The following TCP11L2 variants were observed in gnomAD, a reference collection of about 807,000 sequenced individuals.
The protein encoded by TCP11L2 is t-complex 11 like 2.
Under a neutral mutation model 50.7 loss-of-function variants are expected in TCP11L2, and 39 were observed. The ratio of observed to expected loss-of-function variants is 0.77; its 90% CI spans 0.60 to 1.01. The LOEUF is 1.01. TCP11L2 is among the 50% of genes least tolerant of loss of function. TCP11L2 has a pLI of 0.00. For missense variants in TCP11L2, 612 were observed against 614.7 expected (o/e 1.00, Z 0.05); for synonymous variants, 192 against 219.3 (o/e 0.88, Z 1.10).
At chr12:106,323,745 AATAAAT>A in intron 6 of TCP11L2, 99 bp downstream of exon 6, 1 of 497,200 alleles carries the variant, frequency 2.0e-6, no homozygotes, top group Non-Finnish European at 2.9e-6. Context: ...AAATTAAATT[AATAAAT>A]AAATAAAATT....
At chr12:106,312,491 C>G in intron 2 of TCP11L2, 1 of 998,960 alleles carries the variant, frequency 1.0e-6, no homozygotes, top group Non-Finnish European at 1.2e-6. Flanking sequence ...CATCTGACAC[C>G]AGGGTACCTA....
chr12:106,342,075 C>G (rs1432525424), intron 9 of TCP11L2, among the ~76,000 whole-genome samples: 3 of 152,146 alleles, frequency 2.0e-5, no homozygotes, highest in Non-Finnish European at 4.4e-5. Flanking sequence ...AAGCAGTTGT[C>G]TACTACAGAG....
rs1218253180 is a variant in TCP11L2 at position 106,346,877 on chromosome 12, G to A, written c.*347G>A. ...TATGACATTTAACCCCTAAGGAGTT[G>A]TTTTTCTCACTTGTTATTATCAAAC... is the stretch of plus-strand genomic sequence containing the variant. On this transcript the variant is annotated 3_prime_UTR_variant, in exon 10 of 10. Transcript: ENST00000299045. 5.5e-6 allele frequency: 1 copy of A among 182,966 alleles called. No individual in the cohort carries two copies. Among genetic ancestry groups the A allele is most frequent in the Non-Finnish European group, 1.1e-5 (1 of 88,256 alleles). The allele number at this position is 182,966 out of a possible 1,614,324, so 11.3% of individuals were successfully genotyped here.
At chr12:106,314,718 C>T (rs553238343) in intron 3 of TCP11L2, among the ~76,000 whole-genome samples, 210 of 152,074 alleles carry the variant, frequency 1.4e-3, no homozygotes, top group African/African-American at 4.8e-3. Flanking sequence ...AAAAAATTCT[C>T]GCTGGGTGTG....
At chr12:106,314,268 C>T in intron 2 of TCP11L2, 90 bp from the exon 3 acceptor site, 1 of 1,364,506 alleles carries the variant, frequency 7.3e-7, no homozygotes, top group East Asian at 2.3e-5. Context: ...TATATACATT[C>T]TGATAAATTA....
chr12:106,331,903 GCTT>G (rs1304122811), intron 6 of TCP11L2, among the ~76,000 whole-genome samples: 2 of 152,342 alleles, frequency 1.3e-5, no homozygotes, highest in East Asian at 3.9e-4. Flanking sequence ...CAGTCAAGCT[GCTT>G]CTTCATTCTC....
rs1401923326 is a variant in TCP11L2 at position 106,314,489 on chromosome 12, A to AAG, written c.292_293dup (p.Ser98ArgfsTer7). The AAG allele has an allele frequency of 5.6e-6, 9 of 1,608,814 alleles. No individual in the cohort carries two copies. Among genetic ancestry groups the AAG allele is most frequent in the Non-Finnish European group, 6.8e-6 (8 of 1,177,078 alleles). ...ATTGAAACAAGAGGCTCTCCCAGAA[A>AAG]AGAGGTAACCTGGGGGCATTTGTTG... On this transcript the variant is annotated frameshift_variant, in exon 3 of 10. Transcript: ENST00000299045. LOFTEE classifies it high-confidence loss of function.
At chr12:106,343,904 A>G (rs900647084) in intron 9 of TCP11L2, among the ~76,000 whole-genome samples, 4 of 151,670 alleles carry the variant, frequency 2.6e-5, no homozygotes, top group South Asian at 2.1e-4. Context: ...TGATCCGCCC[A>G]CCTTGGCCTC....
At chr12:106,326,418 T>C (rs1467405752) in intron 6 of TCP11L2, among the ~76,000 whole-genome samples, 2 of 152,104 alleles carry the variant, frequency 1.3e-5, no homozygotes, top group Non-Finnish European at 2.9e-5. Context: ...CTAGGATTCA[T>C]GAGAGGGAGG....
In TCP11L2 at chr12:106,314,535, C is replaced by CTGTGTGTGTGTG. The variant is rs55918458; in HGVS notation, c.293+73_293+84dup. The CTGTGTGTGTGTG allele has an allele frequency of 2.3e-5, 16 of 707,454 alleles. No homozygotes were observed. In the East Asian group the frequency reaches 6.0e-4, roughly 26 times the overall value. The allele number at this position is 707,454 out of a possible 1,614,324, so 43.8% of individuals were successfully genotyped here. A position where few individuals can be genotyped will look rare whatever the true frequency, so the allele number is the denominator to read the frequency against. ...TGTTGTATATAAACTGCTGAAGATT[C>CTGTGTGTGTGTG]TGTGTGTGTGTGTGTGTGTGTGTGT... On this transcript the variant is annotated intron_variant, in intron 3 of 9. Coordinates refer to ENST00000299045, the MANE Select transcript of TCP11L2 (RefSeq NM_152772.3).
At chr12:106,318,972 C>T (rs553660212) in intron 4 of TCP11L2, among the ~76,000 whole-genome samples, 6 of 151,740 alleles carry the variant, frequency 4.0e-5, no homozygotes, top group Non-Finnish European at 7.4e-5. Flanking sequence ...ACTGCAGTGG[C>T]GCAATCTCGG....
intron 8 of TCP11L2, among the ~76,000 whole-genome samples, chr12:106,339,825 A>G (rs567227912): frequency 2.4e-4 from 36 of 152,370 alleles, no homozygotes; most frequent in African/African-American, 7.9e-4. Flanking sequence ...CAGAATTCCA[A>G]CGTCAGGTCC....
At chr12:106,312,106 G>A (rs574858329) in intron 2 of TCP11L2, among the ~76,000 whole-genome samples, 1 of 152,290 alleles carries the variant, frequency 6.6e-6, no homozygotes, top group Admixed American at 6.5e-5. Flanking sequence ...GTGTGTATAT[G>A]TGTGTGGACT....
chr12:106,344,013 C>T (rs1277220921), intron 9 of TCP11L2, among the ~76,000 whole-genome samples: 1 of 151,326 alleles, frequency 6.6e-6, no homozygotes, highest in Non-Finnish European at 1.5e-5. Flanking sequence ...AATAATTTCT[C>T]CTTGTAGAAA....
Position 106,311,022 on chromosome 12 carries a change from G to A in TCP11L2, c.-35-19G>A, listed in dbSNP as rs2034832104. 1 of 1,588,408 alleles carries A rather than the reference G, an allele frequency of 6.3e-7. No individual in the cohort carries two copies. Among genetic ancestry groups the A allele is most frequent in the East Asian group, 2.2e-5 (1 of 44,576 alleles). On this transcript the variant is annotated intron_variant, in intron 1 of 9. Coordinates refer to ENST00000299045, the MANE Select transcript of TCP11L2 (RefSeq NM_152772.3). ...GAAGTACCACAGAACATTGACGCAG[G>A]GTCTGTTTGTCTGTGCAGGTGCTAC...
intron 6 of TCP11L2, among the ~76,000 whole-genome samples, chr12:106,327,156 AT>A (rs1460762559): frequency 2.0e-5 from 3 of 151,296 alleles, no homozygotes; most frequent in East Asian, 1.9e-4. Context: ...TTATTTGCCT[AT>A]TTTTTTTCTG....
Position 106,336,032 on chromosome 12 carries a change from A to C in TCP11L2, c.961A>C (p.Thr321Pro). 1 of 1,595,132 alleles carries C rather than the reference A, an allele frequency of 6.3e-7. No individual in the cohort carries two copies. The highest frequency in any genetic ancestry group is 8.5e-7 in the Non-Finnish European group (1 of 1,174,078). ...WDYQKKELPE[T>P]LMTDGARLQE... Reference sequence around the variant, plus strand: ...TTTATATTTTAAATAAATATGTTAGACACTTATGACAGATGGAGCACGTCT... The same window carrying C: ...TTTATATTTTAAATAAATATGTTAGCCACTTATGACAGATGGAGCACGTCT... Residue 321 changes from threonine to proline, a missense_variant and splice_region_variant, in exon 8 of 10, where the codon ACA becomes CCA. Thr to Pro is a conservative substitution (Grantham distance 38). Transcript: ENST00000299045.
intron 4 of TCP11L2, among the ~76,000 whole-genome samples, chr12:106,319,112 C>T (rs1457450954): frequency 2.6e-5 from 4 of 152,132 alleles, no homozygotes; most frequent in African/African-American, 7.2e-5. Flanking sequence ...GGGGTTTCAC[C>T]TTGTTAGCCA....
chr12:106,318,340 A>G lies in TCP11L2; in HGVS notation c.294-4A>G, dbSNP rs370163407. 57 of 1,611,772 alleles carry G rather than the reference A, an allele frequency of 3.5e-5. No individual in the cohort carries two copies. Among genetic ancestry groups the G allele is most frequent in the Non-Finnish European group, 4.6e-5 (54 of 1,178,776 alleles). On this transcript the variant is annotated splice_region_variant and splice_polypyrimidine_tract_variant and intron_variant, in intron 3 of 9. Transcript: ENST00000299045. ...TTAAAAAACAATTCATTTTATTGCC[A>G]TAGTTTGGCTGGTCGAGTGAAGCAC...
Sources: allele counts gnomAD v4.1 joint callset (sites outside exome capture counted in the v4.1 genomes callset), GRCh38; gene constraint gnomAD v4.1.1; transcripts MANE v1.5; gene names NCBI Gene and HGNC (gene_info 2026-07-23, HGNC 2026-07-21).